GPHN: variants seen among roughly 807,000 people sequenced by gnomAD.
The protein encoded by GPHN is gephyrin.
In GPHN, 17 loss-of-function variants were observed where a neutral mutation model predicts 95.5. That is an observed-to-expected ratio of 0.18 (90% CI 0.12 to 0.27). The LOEUF (loss-of-function observed/expected upper bound fraction) is 0.27, where lower values mean the gene tolerates loss of function less well. Ranked by LOEUF, GPHN falls within the 10% of genes least tolerant of loss-of-function variation. GPHN has a pLI of 1.00. For synonymous variants in GPHN, 320 were observed against 322.5 expected, an observed-to-expected ratio of 0.99 and a Z score of 0.08; for missense variants, 660 against 978.1, an observed-to-expected ratio of 0.67 and a Z score of 4.34.
the GPHN span, among the ~76,000 whole-genome samples, chr14:67,229,616 A>G: frequency 0.16 from 23,831 of 152,194 alleles, 3,529 homozygotes; most frequent in East Asian, 0.42. Context: ...GAGATATACC[A>G]TAAGTGTAAA....
chr14:66,674,386 T>C (rs1474315518), intron 1 of GPHN, among the ~76,000 whole-genome samples: 1 of 152,054 alleles, frequency 6.6e-6, no homozygotes, highest in Non-Finnish European at 1.5e-5. Context: ...CATGAGCCAC[T>C]GCGCCTGGTC....
chr14:67,551,813 C>T, the GPHN span, among the ~76,000 whole-genome samples: 3 of 151,554 alleles, frequency 2.0e-5, no homozygotes, highest in African/African-American at 4.9e-5. Flanking sequence ...ACCTGGGAGG[C>T]GGAGGTTACA....
chr14:67,695,535 G>A, the GPHN span: 2 of 1,264,490 alleles, frequency 1.6e-6, no homozygotes, highest in East Asian at 2.5e-5. Flanking sequence ...AGCCCCCCCA[G>A]GGGAGTTTTC....
intron 1 of GPHN, among the ~76,000 whole-genome samples, chr14:66,638,200 G>A (rs1335428618): frequency 6.6e-6 from 1 of 152,094 alleles, no homozygotes; most frequent in Non-Finnish European, 1.5e-5. Context: ...ATAGGGGGCT[G>A]AGGTGGGTGA....
the GPHN span, among the ~76,000 whole-genome samples, chr14:67,708,794 CTT>C: frequency 0.13 from 18,111 of 136,612 alleles, 999 homozygotes; most frequent in East Asian, 0.21. Flanking sequence ...TTAATAATAC[CTT>C]TTTTTTTTTT....
At chr14:66,655,580 G>A (rs1044236753) in intron 1 of GPHN, among the ~76,000 whole-genome samples, 10 of 151,596 alleles carry the variant, frequency 6.6e-5, no homozygotes, top group African/African-American at 2.4e-4. Context: ...CAGTCTGTTT[G>A]CTTCTTATTT....
chr14:66,656,708 A>G (rs945815140), intron 1 of GPHN, among the ~76,000 whole-genome samples: 34 of 152,168 alleles, frequency 2.2e-4, no homozygotes, highest in Non-Finnish European at 8.8e-5. Flanking sequence ...GATGTTACTC[A>G]TACAATTGTT....
At chr14:67,090,869 A>G (rs1406054025) in intron 12 of GPHN, among the ~76,000 whole-genome samples, 1 of 151,988 alleles carries the variant, frequency 6.6e-6, no homozygotes, top group Admixed American at 6.5e-5. Context: ...TGATAATTAC[A>G]ACAATACTTA....
chr14:67,333,611 C>CACCG, the GPHN span: 1 of 152,706 alleles, frequency 6.5e-6, no homozygotes, highest in Non-Finnish European at 1.5e-5. Flanking sequence ...CTTTGTGGAT[C>CACCG]AGACTCTACA....
chr14:67,394,071 T>C, the GPHN span, among the ~76,000 whole-genome samples: 2 of 152,178 alleles, frequency 1.3e-5, no homozygotes, highest in African/African-American at 4.8e-5. Context: ...TAGGTTTGTT[T>C]ATACCTCCTC....
At chr14:67,593,900 C>A in the GPHN span, 1 of 1,613,574 alleles carries the variant, frequency 6.2e-7, no homozygotes. Flanking sequence ...ATGGAGATAA[C>A]CAAGCAGACC....
intron 5 of GPHN, among the ~76,000 whole-genome samples, chr14:66,894,499 A>C (rs1222530482): frequency 6.6e-6 from 1 of 152,244 alleles, no homozygotes; most frequent in East Asian, 1.9e-4. Flanking sequence ...AACATAAGCA[A>C]AATTGACAAA....
rs113564096 is a variant in GPHN, at chr14:66,724,596, C to A, written c.143+43411C>A. On this transcript the variant is annotated intron_variant, in intron 2 of 22. Transcript: ENST00000478722. ...GGTAGGGGCTTGGAGAGAGGAATATCAAGGATTCAAGGGATGTGCCTTTCC... is the reference window on the plus strand; with the variant it reads ...GGTAGGGGCTTGGAGAGAGGAATATAAAGGATTCAAGGGATGTGCCTTTCC... Among the ~76,000 whole-genome samples, 12 of 152,168 alleles carry A rather than the reference C, an allele frequency of 7.9e-5. 2 individuals carry two copies. Among genetic ancestry groups the A allele is most frequent in the African/African-American group, 2.9e-4 (12 of 41,528 alleles).
At chr14:67,191,567 C>T in the GPHN span, among the ~76,000 whole-genome samples, 1 of 152,188 alleles carries the variant, frequency 6.6e-6, no homozygotes, top group Non-Finnish European at 1.5e-5. Flanking sequence ...TTCCAGATGA[C>T]TGCATTTATC....
At chr14:67,585,627 C>A in the GPHN span, 3 of 1,577,442 alleles carry the variant, frequency 1.9e-6, no homozygotes, top group Non-Finnish European at 1.7e-6. Context: ...ATGAGGATGG[C>A]GTCAGCATCC....
At chr14:67,446,757 C>G in the GPHN span, among the ~76,000 whole-genome samples, 10 of 152,134 alleles carry the variant, frequency 6.6e-5, no homozygotes, top group Non-Finnish European at 1.3e-4. Flanking sequence ...CTGAAGCTAA[C>G]AGGGTTATAT....
At chr14:66,984,861 T>A (rs1361877838) in intron 9 of GPHN, among the ~76,000 whole-genome samples, 3 of 151,980 alleles carry the variant, frequency 2.0e-5, no homozygotes, top group Non-Finnish European at 4.4e-5. Context: ...TTTTTTTTTA[T>A]TGCCTCCCTC....
chr14:67,709,551 G>T, the GPHN span, among the ~76,000 whole-genome samples: 1 of 152,190 alleles, frequency 6.6e-6, no homozygotes, highest in Non-Finnish European at 1.5e-5. Flanking sequence ...AACATGTAGA[G>T]AAACAGAACT....
intron 4 of GPHN, among the ~76,000 whole-genome samples, chr14:66,849,621 G>C (rs1011505007): frequency 1.3e-5 from 2 of 151,946 alleles, no homozygotes; most frequent in African/African-American, 4.8e-5. Flanking sequence ...AATCTGGTAG[G>C]TGAAAAATTG....
Sources: gnomAD v4.1 joint callset for allele counts (sites outside exome capture counted in the v4.1 genomes callset) on GRCh38, gnomAD v4.1.1 for gene constraint, MANE v1.5 for transcripts, NCBI Gene and HGNC (gene_info 2026-07-23, HGNC 2026-07-21) for gene names.